The following HS3ST2 variants were observed in gnomAD, a reference collection of about 807,000 sequenced individuals.
The protein encoded by HS3ST2 is heparan sulfate-glucosamine 3-sulfotransferase 2.
HS3ST2 carries 17 observed loss-of-function variants against 26.3 expected under a neutral mutation model. The ratio of observed to expected loss-of-function variants is 0.65; its 90% CI spans 0.44 to 0.97. The LOEUF (loss-of-function observed/expected upper bound fraction) is 0.97. Among genes scored for constraint, HS3ST2 ranks in the 50% least tolerant of loss-of-function variants. The probability of loss-of-function intolerance (pLI) is 0.00; values close to 1 mark genes in which losing one functional copy is unlikely to be tolerated. For synonymous variants in HS3ST2, 237 were observed against 219.2 expected, an observed-to-expected ratio of 1.08 and a Z score of -0.72; for missense variants, 402 against 501.2, an observed-to-expected ratio of 0.80 and a Z score of 1.89.
At chr16:22,842,926 T>C (rs1292473872) in intron 1 of HS3ST2, among the ~76,000 whole-genome samples, 1 of 152,236 alleles carries the variant, frequency 6.6e-6, no homozygotes, top group Non-Finnish European at 1.5e-5. Context: ...TGCCATGTAA[T>C]GTGCTCTTCT....
intron 1 of HS3ST2, among the ~76,000 whole-genome samples, chr16:22,907,931 A>C (rs1902376280): frequency 6.6e-6 from 1 of 152,164 alleles, no homozygotes; most frequent in Non-Finnish European, 1.5e-5. Flanking sequence ...TGAGCCCAAG[A>C]GTTTGAGACC....
chr16:22,826,684 A>G (rs1409820182), intron 1 of HS3ST2, among the ~76,000 whole-genome samples: 1 of 152,158 alleles, frequency 6.6e-6, no homozygotes, highest in African/African-American at 2.4e-5. Context: ...CTTAGCAATG[A>G]GGGATGATTA....
chr16:22,879,921 CTG>C (rs1046439237), intron 1 of HS3ST2, among the ~76,000 whole-genome samples: 66 of 152,268 alleles, frequency 4.3e-4, no homozygotes, highest in African/African-American at 1.6e-3. Context: ...GGGAGGGAAA[CTG>C]TGATTTCCAA....
intron 1 of HS3ST2, among the ~76,000 whole-genome samples, chr16:22,862,774 A>G (rs990600975): frequency 2.0e-5 from 3 of 152,190 alleles, no homozygotes; most frequent in Non-Finnish European, 4.4e-5. Context: ...AGAGAGAAGC[A>G]TGGAGTGGAG....
intron 1 of HS3ST2, among the ~76,000 whole-genome samples, chr16:22,848,521 A>AT (rs113672191): frequency 2.0e-5 from 3 of 152,062 alleles, no homozygotes; most frequent in East Asian, 3.9e-4. Flanking sequence ...TCCATACAGC[A>AT]TTTTTTTAAA....
chr16:22,832,555 G>A (rs546303154), intron 1 of HS3ST2, among the ~76,000 whole-genome samples: 1 of 152,088 alleles, frequency 6.6e-6, no homozygotes, highest in East Asian at 1.9e-4. Flanking sequence ...TGAAGTAACG[G>A]CTGGGAAGAT....
chr16:22,821,982 C>T (rs1415585825), intron 1 of HS3ST2, among the ~76,000 whole-genome samples: 2 of 152,202 alleles, frequency 1.3e-5, no homozygotes, highest in East Asian at 1.9e-4. Context: ...GACAATGGCT[C>T]CACCTCAGTG....
chr16:22,850,071 T>A (rs1450814055), intron 1 of HS3ST2, among the ~76,000 whole-genome samples: 1 of 135,296 alleles, frequency 7.4e-6, no homozygotes, highest in Non-Finnish European at 1.6e-5. Context: ...TGAATAACAA[T>A]TTTTTTAGTA....
intron 1 of HS3ST2, among the ~76,000 whole-genome samples, chr16:22,908,171 C>T (rs536772335): frequency 6.6e-6 from 1 of 152,180 alleles, no homozygotes; most frequent in South Asian, 2.1e-4. Context: ...GAATGTAGGC[C>T]ATTGAGAAGA....
chr16:22,834,880 T>C (rs750965976), intron 1 of HS3ST2, among the ~76,000 whole-genome samples: 7 of 152,136 alleles, frequency 4.6e-5, no homozygotes, highest in Non-Finnish European at 8.8e-5. Context: ...AATTTTGGGG[T>C]ATTTAAAAAT....
chr16:22,814,869 A>G lies in HS3ST2; in HGVS notation c.259A>G (p.Ser87Gly), dbSNP rs747488603. The change falls in exon 1 of 2, where the codon AGC becomes GGC. Residue 87 changes from serine (S) to glycine (G), a missense_variant. This residue lies in a region of HS3ST2 where 165 missense variants were observed against 154.6 expected (regional missense o/e 1.07). Transcript: ENST00000261374. Reference protein sequence around the residue: ...GPTPSEPSAPSAPAAAVPAPR... With the variant: ...GPTPSEPSAPGAPAAAVPAPR... ...GACGCCCAGCGAGCCCAGCGCTCCC[A>G]GCGCGCCCGCCGCCGCCGTGCCCGC... 6.4e-7 allele frequency: 1 copy of G among 1,558,776 alleles called. No homozygotes were observed. The highest frequency in any genetic ancestry group is 8.7e-7 in the Non-Finnish European group (1 of 1,152,488).
At chr16:22,902,434 C>T (rs188198179) in intron 1 of HS3ST2, among the ~76,000 whole-genome samples, 1 of 152,302 alleles carries the variant, frequency 6.6e-6, no homozygotes, top group Admixed American at 6.5e-5. Context: ...CCCTTTCTAC[C>T]TTTTGGACCT....
At chr16:22,902,867 C>T (rs1803938204) in intron 1 of HS3ST2, among the ~76,000 whole-genome samples, 2 of 152,078 alleles carry the variant, frequency 1.3e-5, no homozygotes, top group Admixed American at 1.3e-4. Context: ...ATGATCCTTT[C>T]TTCTACTGGC....
chr16:22,871,050 A>G (rs1901829502), intron 1 of HS3ST2, among the ~76,000 whole-genome samples: 1 of 152,100 alleles, frequency 6.6e-6, no homozygotes, highest in Non-Finnish European at 1.5e-5. Context: ...GCTATTCAAC[A>G]CTTTTCTTAT....
intron 1 of HS3ST2, among the ~76,000 whole-genome samples, chr16:22,884,388 A>C (rs1902031549): frequency 6.6e-6 from 1 of 152,152 alleles, no homozygotes; most frequent in South Asian, 2.1e-4. Context: ...CTGACTCCAA[A>C]TTGAGCTCCT....
Position 22,840,818 on chromosome 16 carries a change from T to A in HS3ST2, c.485+25723T>A, listed in dbSNP as rs1044827735. On this transcript the variant is annotated intron_variant, in intron 1 of 1. Transcript: ENST00000261374. The stretch of plus-strand genomic sequence containing the variant: ...GGAGGCACTCCCTAAATTTCTTTTT[T>A]AAATTATTATTATACTTTAAGTTTT... Among the ~76,000 whole-genome samples the A allele has an allele frequency of 2.0e-5, 3 of 152,200 alleles. No individual in the cohort carries two copies. The East Asian group carries it at 5.8e-4, about 29-fold the overall frequency.
At chr16:22,870,123 C>A (rs1418445286) in intron 1 of HS3ST2, among the ~76,000 whole-genome samples, 1 of 152,002 alleles carries the variant, frequency 6.6e-6, no homozygotes, top group Non-Finnish European at 1.5e-5. Context: ...CAGAAAGTGG[C>A]CGATGTGGAA....
intron 1 of HS3ST2, among the ~76,000 whole-genome samples, chr16:22,877,207 G>C (rs1256721894): frequency 6.6e-6 from 1 of 152,226 alleles, no homozygotes; most frequent in Non-Finnish European, 1.5e-5. Flanking sequence ...ACAAGAGCCT[G>C]CTGGGTTAGA....
chr16:22,888,673 C>T (rs189482988), intron 1 of HS3ST2, among the ~76,000 whole-genome samples: 3 of 152,200 alleles, frequency 2.0e-5, no homozygotes, highest in Admixed American at 6.5e-5. Flanking sequence ...GCGTGTGCCA[C>T]CGCGCCTGGC....
Sources: allele counts gnomAD v4.1 joint callset (sites outside exome capture counted in the v4.1 genomes callset), GRCh38; gene constraint gnomAD v4.1.1; regional missense constraint gnomAD v4.1.1; transcripts MANE v1.5; gene names NCBI Gene and HGNC (gene_info 2026-07-23, HGNC 2026-07-21).